Variants in UBXN8 observed in about 807,000 individuals in gnomAD.
UBXN8 encodes UBX domain protein 8, also known as UBX domain-containing protein 8.
In UBXN8, 27 loss-of-function variants were observed where a neutral mutation model predicts 32.1. The ratio of observed to expected loss-of-function variants is 0.84; its 90% CI spans 0.62 to 1.16. UBXN8 has a LOEUF of 1.16. Ranked by LOEUF, UBXN8 falls within the 50% of genes most tolerant of loss-of-function variation. The pLI is 0.00. For synonymous variants in UBXN8, 109 were observed against 111.8 expected (o/e 0.98, Z 0.16); for missense variants, 306 against 311.4 (o/e 0.98, Z 0.13).
chr8:30,748,436 G>C (rs1353781668), intron 1 of UBXN8, among the ~76,000 whole-genome samples: 2 of 149,840 alleles, frequency 1.3e-5, no homozygotes. Flanking sequence ...CTGCACTCCA[G>C]CCTGGGCAAG....
At position 30,754,682 on chromosome 8, in the gene UBXN8, G is replaced by A. The variant is rs576560629; in HGVS notation, c.300G>A (p.Glu100=). Residue 100 remains glutamate (E), a synonymous_variant, in exon 4 of 8, where the codon GAG becomes GAA. Transcript: ENST00000265616. ...TTCAACAGGCCAGCAGATACATAGA[G>A]AATGTTTTAAAACCTCACCAGGAAA... ...AQGEKASRYI[E]NVLKPHQEMK... is the part of the protein sequence containing the mutation. 2 of 1,557,182 alleles carry A rather than the reference G, an allele frequency of 1.3e-6. No individual in the cohort carries two copies. Among genetic ancestry groups the A allele is most frequent in the South Asian group, 1.3e-5 (1 of 79,824 alleles).
chr8:30,747,079 C>A lies in UBXN8; in HGVS notation c.88+2802C>A, dbSNP rs1438677010. 2.9e-5 allele frequency among the ~76,000 whole-genome samples: 4 copies of A among 136,916 alleles called. 1 individual carries two copies. Among genetic ancestry groups the A allele is most frequent in the Admixed American group, 1.5e-4 (2 of 13,618 alleles). The allele number at this position is 136,916 out of a possible 152,430, so 89.8% of individuals were successfully genotyped here. A position where few individuals can be genotyped will look rare whatever the true frequency, so the allele number is the denominator to read the frequency against. On this transcript the variant is annotated intron_variant, in intron 1 of 7. Coordinates refer to ENST00000265616, the MANE Select transcript of UBXN8 (RefSeq NM_005671.4). ...CTGAGGCAGGAGAATCGCTGGAACC[C>A]GGGAGGTGGAGGTTGCAGTGAGCCG...
intron 6 of UBXN8, chr8:30,763,043 T>C (rs952078305): frequency 2.0e-6 from 1 of 505,704 alleles, no homozygotes; most frequent in East Asian, 3.5e-5. Context: ...AATTTTTCTA[T>C]TTTTTATGGC....
chr8:30,747,749 A>AT lies in UBXN8; in HGVS notation c.88+3482dup, dbSNP rs34425967. ...ATACTGGCAAGTTGGAGGAGCCGTG[A>AT]TTTTTTTTTTAAAGTCATACTTCTT... On this transcript the variant is annotated intron_variant, in intron 1 of 7. Transcript: ENST00000265616. 1.0e-4 allele frequency among the ~76,000 whole-genome samples: 14 copies of AT among 136,664 alleles called. 2 individuals carry two copies. The highest frequency in any genetic ancestry group is 2.1e-4 in the East Asian group (1 of 4,826). 89.7% of individuals were successfully genotyped at this position (136,664 alleles called of 152,430 possible).
chr8:30,754,643 C>A (rs762650684), intron 3 of UBXN8, 22 bp from the exon 4 acceptor site: 2 of 1,533,092 alleles, frequency 1.3e-6, no homozygotes, highest in Non-Finnish European at 1.7e-6. Flanking sequence ...AGTAACAACA[C>A]CTAATTTGTT....
intron 7 of UBXN8, 105 bp downstream of exon 7, chr8:30,763,452 C>A: frequency 9.3e-7 from 1 of 1,074,120 alleles, no homozygotes; most frequent in East Asian, 2.5e-5. Flanking sequence ...TCTGCATCTC[C>A]CATCAGGTAT....
intron 1 of UBXN8, among the ~76,000 whole-genome samples, chr8:30,735,960 A>G (rs1442444349): frequency 6.6e-6 from 1 of 152,240 alleles, no homozygotes; most frequent in Non-Finnish European, 1.5e-5. Flanking sequence ...GTACTTCTAT[A>G]AACAATTTGA....
intron 5 of UBXN8, among the ~76,000 whole-genome samples, chr8:30,758,083 A>T (rs1805711313): frequency 6.6e-6 from 1 of 151,870 alleles, no homozygotes; most frequent in African/African-American, 2.4e-5. Flanking sequence ...TTTTTAGTAG[A>T]GACGGGGTTT....
intron 1 of UBXN8, among the ~76,000 whole-genome samples, chr8:30,734,804 T>C (rs1805039410): frequency 6.6e-6 from 1 of 151,920 alleles, no homozygotes; most frequent in South Asian, 2.1e-4. Context: ...ATTAGTCAGG[T>C]GTGGTGGTGC....
chr8:30,747,894 C>CTT (rs67334347), intron 1 of UBXN8, among the ~76,000 whole-genome samples: 73 of 35,634 alleles, frequency 2.0e-3, no homozygotes, highest in African/African-American at 3.9e-3. Context: ...TATATTTTTT[C>CTT]TTTTTTTTTT....
intron 7 of UBXN8, 150 bp downstream of exon 7, chr8:30,763,497 G>A (rs937656188): frequency 1.9e-5 from 14 of 735,314 alleles, no homozygotes; most frequent in Admixed American, 2.7e-5. Flanking sequence ...CCACGTTGCA[G>A]AAATTTGGCT....
chr8:30,758,894 G>GTTTTTTTTT (rs1176699545), intron 5 of UBXN8, among the ~76,000 whole-genome samples: 1 of 121,990 alleles, frequency 8.2e-6, no homozygotes, highest in African/African-American at 3.1e-5. Flanking sequence ...TGTTTTTTTT[G>GTTTTTTTTT]TTTTTTTTTT....
intron 4 of UBXN8, 101 bp from the exon 5 acceptor site, chr8:30,756,664 T>C: frequency 1.3e-6 from 2 of 1,509,758 alleles, no homozygotes; most frequent in Non-Finnish European, 1.8e-6. Context: ...TTTCTACTGA[T>C]ATGCCATCAG....
intron 3 of UBXN8, chr8:30,754,418 C>T (rs1805592662): frequency 1.7e-6 from 1 of 584,816 alleles, no homozygotes; most frequent in South Asian, 1.5e-5. Context: ...TGGGATTGTT[C>T]CCAGCATGAA....
At chr8:30,755,079 C>A (rs986373173) in intron 4 of UBXN8, among the ~76,000 whole-genome samples, 6 of 151,562 alleles carry the variant, frequency 4.0e-5, no homozygotes, top group Non-Finnish European at 8.8e-5. Context: ...CCTCAGCCTC[C>A]CGAGTAGCTG....
chr8:30,761,016 G>A (rs1256014202), intron 6 of UBXN8, 87 bp downstream of exon 6: 1 of 979,978 alleles, frequency 1.0e-6, no homozygotes, highest in Admixed American at 3.1e-5. Context: ...CTAAACTTGG[G>A]TTTAGAAAGA....
At chr8:30,760,064 CTTTTTTTT>C (rs35456214) in intron 5 of UBXN8, among the ~76,000 whole-genome samples, 2 of 134,992 alleles carry the variant, frequency 1.5e-5, no homozygotes, top group Admixed American at 7.6e-5. Context: ...ATTTTCTTTT[CTTTTTTTT>C]TTTTTTTAAG....
intron 4 of UBXN8, among the ~76,000 whole-genome samples, chr8:30,755,574 A>T (rs1805634920): frequency 7.8e-6 from 1 of 127,872 alleles, no homozygotes; most frequent in Non-Finnish European, 1.6e-5. Context: ...GCAACATAGG[A>T]AGACCCTGTC....
rs966960922 is a variant in UBXN8, at chr8:30,766,251, A to G, written c.670A>G (p.Ile224Val). The change falls in exon 8 of 8, where the codon ATT becomes GTT. Residue 224 changes from isoleucine to valine, a missense_variant. Coordinates refer to ENST00000265616, the MANE Select transcript of UBXN8 (RefSeq NM_005671.4). ...SQVLFDWMTR[I>V]GYHISLYSLS... ...GGTCTTATTTGACTGGATGACGAGA[A>G]TTGGGTACCACATATCTCTATACAG... 34 of 1,612,674 alleles carry G rather than the reference A, an allele frequency of 2.1e-5. No homozygotes were observed. Among genetic ancestry groups the G allele is most frequent in the Non-Finnish European group, 2.8e-5 (33 of 1,179,270 alleles).
Sources: allele counts gnomAD v4.1 joint callset (sites outside exome capture counted in the v4.1 genomes callset), GRCh38; gene constraint gnomAD v4.1.1; transcripts MANE v1.5; gene names NCBI Gene and HGNC (gene_info 2026-07-23, HGNC 2026-07-21).